Variants in TSPAN7 observed in about 807,000 individuals in gnomAD.
The protein encoded by TSPAN7 is tetraspanin 7, also known as tetraspanin-7.
TSPAN7 carries 1 observed loss-of-function variant against 17.6 expected under a neutral mutation model. The ratio of observed to expected loss-of-function variants is 0.06; its 90% CI spans 0.02 to 0.27. The LOEUF is 0.27. TSPAN7 is among the 10% of genes least tolerant of loss of function. The pLI is 1.00. For missense variants in TSPAN7, 112 were observed against 201.7 expected, an observed-to-expected ratio of 0.56 and a Z score of 2.69; for synonymous variants, 78 against 79.0, an observed-to-expected ratio of 0.99 and a Z score of 0.07.
intron 1 of TSPAN7, among the ~76,000 whole-genome samples, chrX:38,615,756 C>T (rs60290904): frequency 0.23 from 26,011 of 111,238 alleles, 2,867 homozygotes; most frequent in East Asian, 0.65. Flanking sequence ...GATATCATCT[C>T]TTCCATTCTT....
intron 1 of TSPAN7, among the ~76,000 whole-genome samples, chrX:38,665,243 T>C (rs2069774667): frequency 8.9e-6 from 1 of 111,791 alleles, no homozygotes; most frequent in Non-Finnish European, 1.9e-5. Context: ...CTTTCAAGCT[T>C]CATGCGGTAT....
chrX:38,565,837 G>T (rs1230498488), intron 1 of TSPAN7, among the ~76,000 whole-genome samples: 9 of 111,612 alleles, frequency 8.1e-5, no homozygotes, highest in Non-Finnish European at 5.6e-5. Context: ...CTCAAAAGGG[G>T]GCAGTTTTGC....
intron 1 of TSPAN7, among the ~76,000 whole-genome samples, chrX:38,627,391 C>G (rs1318870102): frequency 1.8e-5 from 2 of 112,060 alleles, no homozygotes; most frequent in Non-Finnish European, 3.8e-5. Flanking sequence ...TCCACTTACC[C>G]TCTTGGCCTT....
chrX:38,687,769 T>C (rs1209356281), intron 7 of TSPAN7, 95 bp downstream of exon 7: 2 of 676,407 alleles, frequency 3.0e-6, no homozygotes, highest in African/African-American at 4.4e-5. Flanking sequence ...GCCATTGAGC[T>C]ACCTGATCTT....
intron 6 of TSPAN7, among the ~76,000 whole-genome samples, chrX:38,683,706 C>G (rs939066796): frequency 8.9e-6 from 1 of 112,748 alleles, no homozygotes; most frequent in African/African-American, 3.2e-5. Context: ...CCTCAGGGGT[C>G]CTGAAAGCTG....
intron 1 of TSPAN7, among the ~76,000 whole-genome samples, chrX:38,643,869 C>T (rs7884255): frequency 0.52 from 56,906 of 109,760 alleles, 11,400 homozygotes; most frequent in East Asian, 0.93. Flanking sequence ...AATAATAAAA[C>T]AAAATAAAAA....
intron 1 of TSPAN7, among the ~76,000 whole-genome samples, chrX:38,638,407 G>A (rs2069593856): frequency 8.9e-6 from 1 of 112,275 alleles, no homozygotes; most frequent in Non-Finnish European, 1.9e-5. Context: ...ATACAATGGA[G>A]TAGAAAATAG....
intron 1 of TSPAN7, among the ~76,000 whole-genome samples, chrX:38,656,481 G>A (rs1466864720): frequency 4.5e-5 from 5 of 111,569 alleles, no homozygotes; most frequent in Non-Finnish European, 9.4e-5. Flanking sequence ...TGCTAATGGC[G>A]CTAAGACTGT....
chrX:38,644,400 T>C (rs1210727583), intron 1 of TSPAN7, among the ~76,000 whole-genome samples: 3 of 112,258 alleles, frequency 2.7e-5, no homozygotes, highest in African/African-American at 6.5e-5. Flanking sequence ...GCTTGTTTTT[T>C]CAGATAATGA....
At chrX:38,594,961 C>T (rs1325571083) in intron 1 of TSPAN7, among the ~76,000 whole-genome samples, 1 of 111,416 alleles carries the variant, frequency 9.0e-6, no homozygotes. Flanking sequence ...TCTTCCTCTT[C>T]CTTTTTTTTA....
At chrX:38,596,656 TCCTCAGGTCTCA>T (rs1399091822) in intron 1 of TSPAN7, among the ~76,000 whole-genome samples, 4 of 111,130 alleles carry the variant, frequency 3.6e-5, no homozygotes, top group Admixed American at 9.6e-5. Context: ...AAATGCAGAA[TCCTCAGGTCTCA>T]CCTCAGACCT....
chrX:38,675,512 T>C (rs1014496664), intron 4 of TSPAN7, among the ~76,000 whole-genome samples, 193 bp from the exon 5 acceptor site: 1 of 111,888 alleles, frequency 8.9e-6, no homozygotes, highest in African/African-American at 3.3e-5. Flanking sequence ...TAGAACTTCC[T>C]TCTTGGAGAT....
chrX:38,644,236 T>G (rs1401472106), intron 1 of TSPAN7, among the ~76,000 whole-genome samples: 1 of 111,968 alleles, frequency 8.9e-6, no homozygotes, highest in Non-Finnish European at 1.9e-5. Context: ...GTGCTGATGC[T>G]TCTGACCTTG....
At chrX:38,661,730 A>G (rs1434687016) in intron 1 of TSPAN7, among the ~76,000 whole-genome samples, 1 of 111,672 alleles carries the variant, frequency 9.0e-6, no homozygotes, top group Non-Finnish European at 1.9e-5. Flanking sequence ...ACATATGCTG[A>G]TGATTGATTT....
intron 1 of TSPAN7, among the ~76,000 whole-genome samples, chrX:38,605,142 A>G (rs1236426422): frequency 2.7e-5 from 3 of 109,474 alleles, no homozygotes; most frequent in African/African-American, 1.0e-4. Flanking sequence ...AGACGACATG[A>G]TTGTATATCT....
chrX:38,660,784 G>C (rs2147446795), intron 1 of TSPAN7, among the ~76,000 whole-genome samples: 1 of 112,056 alleles, frequency 8.9e-6, no homozygotes, highest in South Asian at 3.7e-4. Flanking sequence ...TTAGTAAGCA[G>C]TCTCTTTTTG....
At chrX:38,609,119 ACTCT>A (rs2069402820) in intron 1 of TSPAN7, among the ~76,000 whole-genome samples, 1 of 112,105 alleles carries the variant, frequency 8.9e-6, no homozygotes, top group Non-Finnish European at 1.9e-5. Context: ...CTGTTTACAC[ACTCT>A]CTCAGCAGTG....
At chrX:38,663,188 C>CAT (rs2069759947) in intron 1 of TSPAN7, among the ~76,000 whole-genome samples, 1 of 111,053 alleles carries the variant, frequency 9.0e-6, no homozygotes, top group Admixed American at 9.6e-5. Context: ...CACAGACACA[C>CAT]ACACACACAC....
At chrX:38,663,152 T>TACAC (rs56867751) in intron 1 of TSPAN7, among the ~76,000 whole-genome samples, 3 of 101,113 alleles carry the variant, frequency 3.0e-5, no homozygotes, top group Non-Finnish European at 4.0e-5. Context: ...ATGTGGTGTA[T>TACAC]ACACACACAC....
Sources: allele counts gnomAD v4.1 joint callset (sites outside exome capture counted in the v4.1 genomes callset), GRCh38; gene constraint gnomAD v4.1.1; transcripts MANE v1.5; gene names NCBI Gene and HGNC (gene_info 2026-07-23, HGNC 2026-07-21).